PYGO1: variants seen among roughly 807,000 people sequenced by gnomAD.
PYGO1 encodes pygopus family PHD finger 1.
PYGO1 carries 6 observed loss-of-function variants against 29.5 expected under a neutral mutation model. That is an observed-to-expected ratio of 0.20 (90% CI 0.11 to 0.40). PYGO1 has a LOEUF of 0.40. Ranked by LOEUF, PYGO1 falls within the 10% of genes least tolerant of loss-of-function variation. PYGO1 has a pLI of 1.00. For synonymous variants in PYGO1, 186 were observed against 180.5 expected (o/e 1.03, Z -0.24); for missense variants, 515 against 514.9 (o/e 1.00, Z 0.00).
chr15:55,556,126 G>A (rs2058903868), intron 1 of PYGO1, among the ~76,000 whole-genome samples: 1 of 152,014 alleles, frequency 6.6e-6, no homozygotes. Flanking sequence ...AGATATTCAG[G>A]ACCTGCACTC....
intron 1 of PYGO1, among the ~76,000 whole-genome samples, chr15:55,572,259 T>C (rs1222748678): frequency 2.0e-5 from 3 of 152,114 alleles, no homozygotes; most frequent in Non-Finnish European, 4.4e-5. Flanking sequence ...AAATACATGA[T>C]TAATATTTGG....
Position 55,548,939 on chromosome 15 carries a change from C to A in PYGO1, c.106G>T (p.Asp36Tyr). 1 of 1,612,444 alleles carries A rather than the reference C, an allele frequency of 6.2e-7. No homozygotes were observed. Among genetic ancestry groups the A allele is most frequent in the Non-Finnish European group, 8.5e-7 (1 of 1,179,324 alleles). ...GTATTTGCCTTGCGCTTTTTCTTAT[C>A]TGGGCTTCCTAGTTGTACACCTGGT... ...GGPGVQLGSP[D>Y]KKKRKANTQG... Residue 36 changes from aspartate to tyrosine, a missense_variant, in exon 2 of 3, where the codon GAT (aspartate) becomes TAT (tyrosine). Coordinates refer to ENST00000563719, the MANE Select transcript of PYGO1 (RefSeq NM_001367806.1).
Position 55,588,179 on chromosome 15 carries a change from G to T in PYGO1, c.-296C>A. On this transcript the variant is annotated 5_prime_UTR_variant, in exon 1 of 3. Transcript: ENST00000563719. Reference sequence around the variant, plus strand: ...CCCGGGGCCGGCATGTGCTGAGGGCGAGTGCGCCGCCGCCGCCGCCGCCTC... The same window carrying T: ...CCCGGGGCCGGCATGTGCTGAGGGCTAGTGCGCCGCCGCCGCCGCCGCCTC... The T allele has an allele frequency of 2.6e-6, 1 of 382,298 alleles. No homozygotes were observed. Among genetic ancestry groups the T allele is most frequent in the Non-Finnish European group, 3.6e-6 (1 of 280,842 alleles). The allele number at this position is 382,298 out of a possible 1,614,324, so 23.7% of individuals were successfully genotyped here.
At chr15:55,570,290 A>G (rs2058974950) in intron 1 of PYGO1, among the ~76,000 whole-genome samples, 1 of 152,204 alleles carries the variant, frequency 6.6e-6, no homozygotes, top group African/African-American at 2.4e-5. Flanking sequence ...TGCTATTTCC[A>G]GGTGGCTGAG....
intron 1 of PYGO1, among the ~76,000 whole-genome samples, chr15:55,551,995 T>A (rs1267792881): frequency 6.6e-6 from 1 of 152,024 alleles, no homozygotes; most frequent in Non-Finnish European, 1.5e-5. Flanking sequence ...ACATGATCAT[T>A]TCAATAGATG....
intron 1 of PYGO1, among the ~76,000 whole-genome samples, chr15:55,551,177 T>C (rs1243146259): frequency 6.6e-6 from 1 of 152,090 alleles, no homozygotes; most frequent in Non-Finnish European, 1.5e-5. Context: ...GGCCCAGGGG[T>C]TGGGGATCCC....
chr15:55,567,550 TTCTGTAGGTTG>T (rs1377779483), intron 1 of PYGO1, among the ~76,000 whole-genome samples: 2 of 152,284 alleles, frequency 1.3e-5, no homozygotes, highest in East Asian at 3.9e-4. Flanking sequence ...ATATTCTCCC[TTCTGTAGGTTG>T]TCTGTTTACT....
chr15:55,567,647 T>C (rs2058962787), intron 1 of PYGO1, among the ~76,000 whole-genome samples: 1 of 152,192 alleles, frequency 6.6e-6, no homozygotes, highest in South Asian at 2.1e-4. Context: ...TTTGTTGCAA[T>C]TGCTTTCAAG....
chr15:55,588,738 C>G, upstream of PYGO1: 2 of 1,545,190 alleles, frequency 1.3e-6, no homozygotes, highest in South Asian at 2.2e-5. Context: ...CATCTCCGAA[C>G]TTCGTCGGAG....
chr15:55,564,734 T>C (rs1054774983), intron 1 of PYGO1, among the ~76,000 whole-genome samples: 44 of 152,358 alleles, frequency 2.9e-4, no homozygotes, highest in Middle Eastern at 3.4e-3. Context: ...GAATTTTATC[T>C]GAATTAAAAA....
chr15:55,564,127 T>C (rs1037140653), intron 1 of PYGO1, among the ~76,000 whole-genome samples: 3 of 152,220 alleles, frequency 2.0e-5, no homozygotes, highest in Non-Finnish European at 4.4e-5. Flanking sequence ...ACAACGTTTT[T>C]AGCAGTATTA....
At chr15:55,571,963 A>C (rs1199817913) in intron 1 of PYGO1, among the ~76,000 whole-genome samples, 1 of 152,108 alleles carries the variant, frequency 6.6e-6, no homozygotes, top group Admixed American at 6.6e-5. Flanking sequence ...CATTTATTAG[A>C]AGTCTTCCTC....
chr15:55,548,885 T>C, intron 2 of PYGO1, 25 bp downstream of exon 2: 1 of 1,599,510 alleles, frequency 6.3e-7, no homozygotes, highest in Admixed American at 1.7e-5. Flanking sequence ...AAGAAAAACT[T>C]TTATTAAAGA....
chr15:55,586,647 A>G (rs1165082222), intron 1 of PYGO1, among the ~76,000 whole-genome samples: 1 of 152,230 alleles, frequency 6.6e-6, no homozygotes, highest in Non-Finnish European at 1.5e-5. Context: ...TTGATTGCAC[A>G]CACTGGGCAT....
intron 1 of PYGO1, among the ~76,000 whole-genome samples, chr15:55,549,573 A>T (rs939218414): frequency 2.0e-5 from 3 of 152,226 alleles, no homozygotes; most frequent in Non-Finnish European, 4.4e-5. Context: ...GCTGCAATAA[A>T]AATCCATGTA....
intron 1 of PYGO1, among the ~76,000 whole-genome samples, chr15:55,566,151 T>A (rs775122758): frequency 6.6e-6 from 1 of 152,170 alleles, no homozygotes; most frequent in African/African-American, 2.4e-5. Flanking sequence ...TATTGTATGA[T>A]GCTGAGGTTT....
Position 55,546,386 on chromosome 15 carries a change from A to T in PYGO1, c.897T>A (p.Pro299=). Residue 299 remains proline, a synonymous_variant, in exon 3 of 3, where the codon CCT becomes CCA. Coordinates refer to ENST00000563719, the MANE Select transcript of PYGO1 (RefSeq NM_001367806.1). ...GTGGCTTATTCTGCGTCCCATTTGC[A>T]GGGTTATTGTTTGTGGCTTCAGTGC... ...SSSTEATNNN[P]ANGTQNKPRQ... 6.2e-7 allele frequency: 1 copy of T among 1,614,064 alleles called. No homozygotes were observed.
rs946218072 is a variant in PYGO1 at position 55,539,140 on chromosome 15, G to C, written c.*6883C>G. 2 of 151,982 alleles carry C rather than the reference G, an allele frequency of 1.3e-5. No individual in the cohort carries two copies. Among genetic ancestry groups the C allele is most frequent in the Non-Finnish European group, 2.9e-5 (2 of 67,986 alleles). 9.4% of individuals were successfully genotyped at this position (151,982 alleles called of 1,614,324 possible). On this transcript the variant is annotated 3_prime_UTR_variant, in exon 3 of 3. Coordinates refer to ENST00000563719, the MANE Select transcript of PYGO1 (RefSeq NM_001367806.1). ...CTACTTGTCTTCTTACTTATCTATA[G>C]AATAAAAAAACTAAAATGTAGATGA...
chr15:55,580,574 T>C (rs1016519207), intron 1 of PYGO1, among the ~76,000 whole-genome samples: 4 of 152,210 alleles, frequency 2.6e-5, no homozygotes, highest in Middle Eastern at 3.2e-3. Context: ...ACCATTATTA[T>C]TCTCACTTTG....
Sources: gnomAD v4.1 joint callset for allele counts (sites outside exome capture counted in the v4.1 genomes callset) on GRCh38, gnomAD v4.1.1 for gene constraint, MANE v1.5 for transcripts, NCBI Gene and HGNC (gene_info 2026-07-23, HGNC 2026-07-21) for gene names.